Variants in LOC400499 observed in about 807,000 individuals in gnomAD.
the LOC400499 span, among the ~76,000 whole-genome samples, chr16:11,423,626 T>C: frequency 6.6e-6 from 1 of 152,350 alleles, no homozygotes; most frequent in Non-Finnish European, 1.5e-5. Flanking sequence ...GGAGCCCTGC[T>C]CACTCACATT....
chr16:11,455,139 C>T, the LOC400499 span, among the ~76,000 whole-genome samples: 1 of 151,894 alleles, frequency 6.6e-6, no homozygotes, highest in African/African-American at 2.4e-5. Flanking sequence ...CAGAAAAAAA[C>T]AATAGGTCAC....
chr16:11,378,484 A>AAACTCCTGACCTC, the LOC400499 span, among the ~76,000 whole-genome samples: 2 of 152,268 alleles, frequency 1.3e-5, no homozygotes, highest in South Asian at 4.2e-4. Flanking sequence ...AGCTGGGCTC[A>AAACTCCTGACCTC]AACTCCTGAC....
At chr16:11,372,824 G>A in the LOC400499 span, 1 of 486,006 alleles carries the variant, frequency 2.1e-6, no homozygotes, top group Non-Finnish European at 2.7e-6. Context: ...ATTATGCTAG[G>A]GCCCCTGGCC....
At chr16:11,488,268 C>G in the LOC400499 span, among the ~76,000 whole-genome samples, 1 of 152,046 alleles carries the variant, frequency 6.6e-6, no homozygotes, top group Non-Finnish European at 1.5e-5. Flanking sequence ...AAGGTACAAA[C>G]AGCCAATTTA....
chr16:11,395,846 G>C, the LOC400499 span, among the ~76,000 whole-genome samples: 2 of 152,056 alleles, frequency 1.3e-5, no homozygotes, highest in Admixed American at 6.5e-5. Flanking sequence ...AGCGGGAACC[G>C]GTATCCAGAC....
the LOC400499 span, among the ~76,000 whole-genome samples, chr16:11,464,581 T>G: frequency 6.6e-6 from 1 of 152,188 alleles, no homozygotes. Context: ...TGAGACAAGT[T>G]GAACATAAGC....
At chr16:11,373,967 A>T in the LOC400499 span, among the ~76,000 whole-genome samples, 3 of 152,108 alleles carry the variant, frequency 2.0e-5, no homozygotes, top group Non-Finnish European at 4.4e-5. Context: ...TGTTGAAAAT[A>T]TGGGGTTTAG....
At chr16:11,430,007 T>C in the LOC400499 span, among the ~76,000 whole-genome samples, 4 of 152,086 alleles carry the variant, frequency 2.6e-5, no homozygotes, top group Non-Finnish European at 4.4e-5. Flanking sequence ...CAACCCTACC[T>C]TAATCAAGAG....
the LOC400499 span, chr16:11,435,855 T>G: frequency 7.5e-6 from 3 of 399,184 alleles, no homozygotes; most frequent in African/African-American, 6.2e-5. Context: ...CTGCGCACTC[T>G]GTAGCGCCCG....
At chr16:11,384,218 G>C in the LOC400499 span, 1 of 1,231,414 alleles carries the variant, frequency 8.1e-7, no homozygotes, top group Non-Finnish European at 1.0e-6. Flanking sequence ...CCGCTCACCT[G>C]CCAGGCCAGG....
chr16:11,520,014 A>G, the LOC400499 span, among the ~76,000 whole-genome samples: 1 of 152,076 alleles, frequency 6.6e-6, no homozygotes, highest in Non-Finnish European at 1.5e-5. Context: ...ATGTGAGTCC[A>G]CTTATATGAG....
chr16:11,436,926 C>T, the LOC400499 span, among the ~76,000 whole-genome samples: 1 of 152,036 alleles, frequency 6.6e-6, no homozygotes, highest in Admixed American at 6.6e-5. Context: ...CTGGTGCTTC[C>T]TTAGATGAGC....
At chr16:11,498,644 G>A in the LOC400499 span, among the ~76,000 whole-genome samples, 6 of 151,836 alleles carry the variant, frequency 4.0e-5, no homozygotes, top group African/African-American at 1.5e-4. Context: ...ACCTGCCAGG[G>A]CTCATGCAGG....
the LOC400499 span, among the ~76,000 whole-genome samples, chr16:11,511,681 A>G: frequency 1.3e-5 from 2 of 152,232 alleles, no homozygotes; most frequent in African/African-American, 4.8e-5. Flanking sequence ...GGGTCTGGGA[A>G]GATGATGGCT....
the LOC400499 span, chr16:11,460,517 TG>T: frequency 6.5e-7 from 1 of 1,534,328 alleles, no homozygotes; most frequent in Non-Finnish European, 8.7e-7. Context: ...GTGGAGCTCG[TG>T]GCGCAGCTCC....
the LOC400499 span, chr16:11,439,525 C>T: frequency 2.5e-6 from 1 of 399,076 alleles, no homozygotes; most frequent in South Asian, 1.3e-4. Context: ...CGTGAGGATG[C>T]CTGAGTTGGA....
the LOC400499 span, among the ~76,000 whole-genome samples, chr16:11,444,538 C>T: frequency 1.3e-5 from 2 of 152,160 alleles, no homozygotes; most frequent in East Asian, 1.9e-4. Flanking sequence ...TGAATTGTAA[C>T]GGTAGTTATG....
chr16:11,414,158 A>G, the LOC400499 span, among the ~76,000 whole-genome samples: 1 of 152,264 alleles, frequency 6.6e-6, no homozygotes, highest in South Asian at 2.1e-4. Flanking sequence ...TTGGAAATGC[A>G]GAGACTGCTC....
At chr16:11,442,447 T>G in the LOC400499 span, 1 of 152,178 alleles carries the variant, frequency 6.6e-6, no homozygotes, top group African/African-American at 2.4e-5. Context: ...GGTCTCGAAC[T>G]CCTGACCTCA....
Sources: gnomAD v4.1 joint callset for allele counts (sites outside exome capture counted in the v4.1 genomes callset) on GRCh38, gnomAD v4.1.1 for gene constraint, MANE v1.5 for transcripts.